The following RGL1 variants were observed in gnomAD, a reference collection of about 807,000 sequenced individuals.
RGL1 encodes the protein ral guanine nucleotide dissociation stimulator like 1.
RGL1 carries 24 observed loss-of-function variants against 95.2 expected under a neutral mutation model. The observed-to-expected ratio is 0.25, with a 90% CI of 0.18 to 0.35. The LOEUF (loss-of-function observed/expected upper bound fraction) is 0.35. RGL1 is among the 10% of genes least tolerant of loss of function. The pLI is 1.00. For synonymous variants in RGL1, 329 were observed against 344.9 expected, an observed-to-expected ratio of 0.95 and a Z score of 0.51; for missense variants, 715 against 936.3, an observed-to-expected ratio of 0.76 and a Z score of 3.08.
chr1:183,849,337 C>G (rs1664661384), intron 3 of RGL1, among the ~76,000 whole-genome samples: 1 of 152,188 alleles, frequency 6.6e-6, no homozygotes, highest in South Asian at 2.1e-4. Context: ...AGAACAGTGG[C>G]TGGCATATTG....
At position 183,704,378 on chromosome 1, in the gene RGL1, G is replaced by GT. The variant is rs1572300226; in HGVS notation, c.-32-37748_-32-37747insT. ...TTGAATATATGTTGATCTGTTGTCT[G>GT]GCTGCTAGAGTGAGAGCTTGAGTGA... On this transcript the variant is annotated intron_variant, in intron 1 of 18. Coordinates refer to the RGL1 transcript ENST00000304685. Among the ~76,000 whole-genome samples, 4 of 152,304 alleles carry GT rather than the reference G, an allele frequency of 2.6e-5. No individual in the cohort carries two copies. In the East Asian group the frequency reaches 7.7e-4, roughly 29 times the overall value.
intron 8 of RGL1, among the ~76,000 whole-genome samples, chr1:183,891,468 T>C (rs1001581672): frequency 6.6e-6 from 1 of 152,156 alleles, no homozygotes; most frequent in Non-Finnish European, 1.5e-5. Context: ...TTAAGCAGCT[T>C]GTCCAGGATC....
chr1:183,727,060 A>C (rs1327423072), intron 1 of RGL1, among the ~76,000 whole-genome samples: 1 of 152,188 alleles, frequency 6.6e-6, no homozygotes, highest in Non-Finnish European at 1.5e-5. Flanking sequence ...ATTGCAAATA[A>C]AGACAACTAC....
At chr1:183,721,221 C>T (rs1655998294) in intron 1 of RGL1, among the ~76,000 whole-genome samples, 1 of 152,144 alleles carries the variant, frequency 6.6e-6, no homozygotes, top group African/African-American at 2.4e-5. Flanking sequence ...GCCTGGTTTC[C>T]TTCTTAAAAT....
At chr1:183,818,355 C>A (rs539514640) in intron 2 of RGL1, among the ~76,000 whole-genome samples, 1 of 152,176 alleles carries the variant, frequency 6.6e-6, no homozygotes, top group Non-Finnish European at 1.5e-5. Flanking sequence ...TAGTGAAGTT[C>A]ACATTTATGT....
At chr1:183,808,385 C>G (rs1269988311) in intron 2 of RGL1, among the ~76,000 whole-genome samples, 2 of 152,148 alleles carry the variant, frequency 1.3e-5, no homozygotes, top group Admixed American at 1.3e-4. Context: ...AATCTGTCCC[C>G]CTCGCCCCCA....
intron 1 of RGL1, among the ~76,000 whole-genome samples, chr1:183,710,548 G>T (rs560814778): frequency 2.0e-4 from 31 of 152,300 alleles, no homozygotes; most frequent in African/African-American, 7.5e-4. Flanking sequence ...ACTACCTGTG[G>T]CTGGGTGATT....
intron 2 of RGL1, among the ~76,000 whole-genome samples, chr1:183,764,417 C>G (rs147838855): frequency 6.6e-6 from 1 of 152,248 alleles, no homozygotes; most frequent in African/African-American, 2.4e-5. Flanking sequence ...GGTCTGGCAT[C>G]CCATTGTCCA....
chr1:183,758,160 A>G (rs1281312799), intron 2 of RGL1, among the ~76,000 whole-genome samples: 2 of 152,056 alleles, frequency 1.3e-5, no homozygotes, highest in Admixed American at 6.5e-5. Context: ...GACTGCCACA[A>G]TGAAATAGCA....
At chr1:183,776,212 G>A (rs1319316364) in intron 2 of RGL1, among the ~76,000 whole-genome samples, 1 of 142,850 alleles carries the variant, frequency 7.0e-6, no homozygotes, top group Non-Finnish European at 1.5e-5. Flanking sequence ...GCAGTGGCGC[G>A]ATCTCGGCTC....
chr1:183,816,369 T>C (rs1205028621), intron 2 of RGL1, among the ~76,000 whole-genome samples: 2 of 152,210 alleles, frequency 1.3e-5, no homozygotes, highest in African/African-American at 4.8e-5. Context: ...TGTTAGTAAA[T>C]TGTTCTTGCA....
chr1:183,728,425 C>A (rs1169555636), intron 1 of RGL1, among the ~76,000 whole-genome samples: 1 of 152,052 alleles, frequency 6.6e-6, no homozygotes, highest in Non-Finnish European at 1.5e-5. Flanking sequence ...CTCTGGAGAA[C>A]CCTGACCACT....
At chr1:183,728,263 G>A (rs1382509680) in intron 1 of RGL1, among the ~76,000 whole-genome samples, 3 of 152,112 alleles carry the variant, frequency 2.0e-5, no homozygotes, top group African/African-American at 7.2e-5. Context: ...TGGTTCTTAG[G>A]TGTAAGGACT....
intron 1 of RGL1, 108 bp downstream of exon 1, chr1:183,805,432 T>A (rs1283058572): frequency 1.1e-6 from 1 of 945,342 alleles, no homozygotes; most frequent in African/African-American, 1.6e-5. Context: ...GCAATCCGAT[T>A]CCATACTTGT....
At chr1:183,916,811 T>C in intron 16 of RGL1, 110 bp downstream of exon 16, 1 of 1,249,456 alleles carries the variant, frequency 8.0e-7, no homozygotes, top group East Asian at 2.4e-5. Flanking sequence ...TATTAGCATA[T>C]ACATATATGC....
chr1:183,873,076 C>T (rs1268639605), intron 4 of RGL1, among the ~76,000 whole-genome samples: 1 of 152,164 alleles, frequency 6.6e-6, no homozygotes, highest in Non-Finnish European at 1.5e-5. Context: ...ATTTTAGGGA[C>T]ATGGGTAGAA....
intron 2 of RGL1, among the ~76,000 whole-genome samples, chr1:183,746,073 C>A (rs1164776927): frequency 6.7e-6 from 1 of 149,654 alleles, no homozygotes; most frequent in Non-Finnish European, 1.5e-5. Context: ...GTATTTGATA[C>A]CTACAAAATA....
intron 2 of RGL1, among the ~76,000 whole-genome samples, chr1:183,751,299 A>G (rs2148622): frequency 0.45 from 67,728 of 152,090 alleles, 16,121 homozygotes; most frequent in East Asian, 0.8. Context: ...TGGCTACAGC[A>G]GCTTTCCTGA....
At position 183,752,706 on chromosome 1, in the gene RGL1, T is replaced by TCTCTCTCTCTCTCTCTCTCTCTCTCTC. The variant is rs58775038; in HGVS notation, c.132+10417_132+10418insCTCTCTCTCTCTCTCTCTCTCTCTCTC. Among the ~76,000 whole-genome samples the TCTCTCTCTCTCTCTCTCTCTCTCTCTC allele has an allele frequency of 3.0e-4, 33 of 110,138 alleles. 2 individuals carry two copies. The highest frequency in any genetic ancestry group is 8.9e-4 in the African/African-American group (23 of 25,752). The allele number at this position is 110,138 out of a possible 152,430, so 72.3% of individuals were successfully genotyped here. On this transcript the variant is annotated intron_variant, in intron 2 of 18. Transcript: ENST00000304685. ...TCTCTCTCTCTCTCTCTCTCTCTCT[T>TCTCTCTCTCTCTCTCTCTCTCTCTCTC]TCCCCTTTCCTCTCTTTGGCCTTAA...
Sources: allele counts gnomAD v4.1 joint callset (sites outside exome capture counted in the v4.1 genomes callset), GRCh38; gene constraint gnomAD v4.1.1; transcripts MANE v1.5; gene names NCBI Gene and HGNC (gene_info 2026-07-23, HGNC 2026-07-21).